PRKAG2: variants seen among roughly 807,000 people sequenced by gnomAD.
The protein encoded by PRKAG2 is 5'-AMP-activated protein kinase subunit gamma-2.
Under a neutral mutation model 69.6 loss-of-function variants are expected in PRKAG2, and 26 were observed. The observed-to-expected ratio is 0.37, with a 90% CI of 0.27 to 0.52. The LOEUF (loss-of-function observed/expected upper bound fraction) is 0.52. Among genes scored for constraint, PRKAG2 ranks in the 20% least tolerant of loss-of-function variants. The pLI is 0.90. For missense variants in PRKAG2, 557 were observed against 740.0 expected (o/e 0.75, Z 2.87); for synonymous variants, 293 against 285.0 (o/e 1.03, Z -0.28).
In PRKAG2 at chr7:151,644,570, T is replaced by C. The variant is rs542216918; in HGVS notation, c.685-12432A>G. Among the ~76,000 whole-genome samples the C allele has an allele frequency of 7.2e-4, 110 of 152,296 alleles. 1 individual carries two copies. The highest frequency in any genetic ancestry group is 2.4e-3 in the African/African-American group (99 of 41,548). Reference sequence around the variant, plus strand: ...CATCCCATTCTATGGATAGACCCCATTTTGTCTATTCATTCACCAGTTGAT... The same window carrying C: ...CATCCCATTCTATGGATAGACCCCACTTTGTCTATTCATTCACCAGTTGAT... On this transcript the variant is annotated intron_variant, in intron 4 of 15. Transcript: ENST00000287878.
At chr7:151,642,999 T>C (rs76466777) in intron 4 of PRKAG2, among the ~76,000 whole-genome samples, 128 of 152,330 alleles carry the variant, frequency 8.4e-4, no homozygotes, top group African/African-American at 3.0e-3. Context: ...ATAGAAGATA[T>C]GAAGAAGGAG....
At chr7:151,595,907 C>T (rs903496441) in intron 5 of PRKAG2, among the ~76,000 whole-genome samples, 5 of 152,122 alleles carry the variant, frequency 3.3e-5, no homozygotes, top group African/African-American at 1.2e-4. Context: ...CATTGGCTCA[C>T]ACCTGTAATC....
chr7:151,867,207 G>A (rs748602671), intron 1 of PRKAG2, among the ~76,000 whole-genome samples: 3 of 152,194 alleles, frequency 2.0e-5, no homozygotes, highest in African/African-American at 4.8e-5. Context: ...TCTATCGGAC[G>A]GAGGCTGTGG....
chr7:151,856,344 C>T (rs2079775312), intron 1 of PRKAG2, among the ~76,000 whole-genome samples: 3 of 152,378 alleles, frequency 2.0e-5, no homozygotes, highest in African/African-American at 7.2e-5. Context: ...CAGCCGAGGA[C>T]GCAAGCACAG....
chr7:151,723,323 G>A (rs1261559278), intron 3 of PRKAG2, among the ~76,000 whole-genome samples: 2 of 152,156 alleles, frequency 1.3e-5, no homozygotes, highest in Non-Finnish European at 1.5e-5. Context: ...AGAGTTCTGG[G>A]TCTGGAAACT....
chr7:151,670,448 T>C (rs1039456895), intron 4 of PRKAG2, among the ~76,000 whole-genome samples: 1 of 152,226 alleles, frequency 6.6e-6, no homozygotes, highest in Non-Finnish European at 1.5e-5. Context: ...TCGTCTGGGC[T>C]CCTGTTCTAA....
At chr7:151,565,244 G>A in intron 13 of PRKAG2, 102 bp downstream of exon 13, 1 of 1,002,794 alleles carries the variant, frequency 1.0e-6, no homozygotes, top group South Asian at 1.7e-5. Context: ...CAAAAGGTTA[G>A]AAATTATTAA....
At chr7:151,743,853 C>T (rs1378933030) in intron 3 of PRKAG2, among the ~76,000 whole-genome samples, 1 of 152,178 alleles carries the variant, frequency 6.6e-6, no homozygotes, top group East Asian at 1.9e-4. Flanking sequence ...CGGCAGGGCT[C>T]CAGGCTTGGC....
intron 10 of PRKAG2, among the ~76,000 whole-genome samples, chr7:151,569,949 G>A (rs771086391): frequency 6.6e-6 from 1 of 152,206 alleles, no homozygotes; most frequent in Admixed American, 6.5e-5. Flanking sequence ...TGATGGTTTA[G>A]TATGACCCTA....
intron 3 of PRKAG2, among the ~76,000 whole-genome samples, chr7:151,772,815 A>G (rs1349756624): frequency 6.6e-6 from 1 of 151,534 alleles, no homozygotes; most frequent in Non-Finnish European, 1.5e-5. Context: ...CTGAGACCCA[A>G]TTTCTACAAA....
chr7:151,777,928 G>T lies in PRKAG2; in HGVS notation c.466+3224C>A, dbSNP rs2076467640. Among the ~76,000 whole-genome samples the T allele has an allele frequency of 6.6e-6, 1 of 152,244 alleles. No individual in the cohort carries two copies. The highest frequency in any genetic ancestry group is 1.5e-5 in the Non-Finnish European group (1 of 68,004). On this transcript the variant is annotated intron_variant, in intron 3 of 15. Transcript: ENST00000287878. The surrounding 1 kb of genome is among the most constrained non-coding windows in gnomAD (Gnocchi z 4.3). ...TTCTATGATCTCGTACTGCTCTGGG[G>T]TCATGGAGCCAGAGGTCACAAGACT...
intron 5 of PRKAG2, among the ~76,000 whole-genome samples, chr7:151,605,545 T>C (rs968199088): frequency 6.7e-6 from 1 of 149,754 alleles, no homozygotes; most frequent in Non-Finnish European, 1.5e-5. Flanking sequence ...GAGACTATCC[T>C]GGGCAACATG....
At chr7:151,708,348 C>T (rs896897252) in intron 3 of PRKAG2, among the ~76,000 whole-genome samples, 2 of 152,192 alleles carry the variant, frequency 1.3e-5, no homozygotes, top group Admixed American at 1.3e-4. Context: ...TCAGAATGAT[C>T]GTCCAGTGGG....
At chr7:151,785,565 A>G (rs1283405030) in intron 2 of PRKAG2, among the ~76,000 whole-genome samples, 1 of 152,240 alleles carries the variant, frequency 6.6e-6, no homozygotes, top group Non-Finnish European at 1.5e-5. Flanking sequence ...AAATGCTTAA[A>G]GAGGAGATTT....
chr7:151,605,397 A>C (rs1177429425), intron 5 of PRKAG2, among the ~76,000 whole-genome samples: 2 of 152,088 alleles, frequency 1.3e-5, no homozygotes, highest in Non-Finnish European at 2.9e-5. Context: ...TTTTAAAAAC[A>C]AAAATAAAAT....
chr7:151,767,225 A>T (rs990590166), intron 3 of PRKAG2, among the ~76,000 whole-genome samples: 1 of 152,236 alleles, frequency 6.6e-6, no homozygotes, highest in Non-Finnish European at 1.5e-5. Context: ...TCACAGCCTC[A>T]GAAGGAGCCG....
intron 1 of PRKAG2, among the ~76,000 whole-genome samples, chr7:151,860,994 C>A (rs1404468074): frequency 6.6e-6 from 1 of 152,148 alleles, no homozygotes; most frequent in African/African-American, 2.4e-5. Context: ...GCAGCCCCAC[C>A]CCAAGACTTT....
In PRKAG2 at chr7:151,670,609, C is replaced by T. The variant is rs1034475452; in HGVS notation, c.684+4811G>A. ...AGGATGGGGTTTCCTCCCACAATAA[C>T]GGAACGGGTTCTATCACACTCCATT... On this transcript the variant is annotated intron_variant, in intron 4 of 15. Coordinates refer to ENST00000287878, the MANE Select transcript of PRKAG2 (RefSeq NM_016203.4). 8.5e-5 allele frequency among the ~76,000 whole-genome samples: 13 copies of T among 152,190 alleles called. No individual in the cohort carries two copies. The East Asian group carries it at 2.3e-3, about 27-fold the overall frequency.
Position 151,557,046 on chromosome 7 carries a change from C to T in PRKAG2, c.*155G>A, listed in dbSNP as rs548440766. 3 of 1,297,058 alleles carry T rather than the reference C, an allele frequency of 2.3e-6. No homozygotes were observed. In the Admixed American group the frequency reaches 5.8e-5, roughly 25 times the overall value. The allele number at this position is 1,297,058 out of a possible 1,614,324, so 80.3% of individuals were successfully genotyped here. On this transcript the variant is annotated 3_prime_UTR_variant, in exon 16 of 16. Transcript: ENST00000287878. Reference sequence around the variant, plus strand: ...GAATCTTCAAGCACATAAAATCTTTCTTTTTTAAGCTTAATTTCAACATCA... The same window carrying T: ...GAATCTTCAAGCACATAAAATCTTTTTTTTTTAAGCTTAATTTCAACATCA...
Sources: gnomAD v4.1 joint callset for allele counts (sites outside exome capture counted in the v4.1 genomes callset) on GRCh38, gnomAD v4.1.1 for gene constraint, Gnocchi (gnomAD v3.1) non-coding constraint, MANE v1.5 for transcripts, NCBI Gene and HGNC (gene_info 2026-07-23, HGNC 2026-07-21) for gene names.